HDAC9: variants seen among roughly 807,000 people sequenced by gnomAD.
The protein encoded by HDAC9 is histone deacetylase 9, also known as MEF-2 interacting transcription repressor (MITR) protein.
Under a neutral mutation model 139.4 loss-of-function variants are expected in HDAC9, and 41 were observed. The observed-to-expected ratio is 0.29, with a 90% CI of 0.23 to 0.38. The LOEUF (loss-of-function observed/expected upper bound fraction) is 0.38, where lower values mean the gene tolerates loss of function less well. Ranked by LOEUF, HDAC9 falls within the 10% of genes least tolerant of loss-of-function variation. HDAC9 has a pLI of 1.00. For synonymous variants in HDAC9, 517 were observed against 476.2 expected, an observed-to-expected ratio of 1.09 and a Z score of -1.12; for missense variants, 1,147 against 1,297.0, an observed-to-expected ratio of 0.88 and a Z score of 1.78.
intron 1 of HDAC9, among the ~76,000 whole-genome samples, chr7:18,135,938 A>G (rs1584255410): frequency 1.7e-5 from 2 of 118,176 alleles, no homozygotes; most frequent in East Asian, 2.3e-4. Flanking sequence ...AAGTGTTCCT[A>G]TTTCTCCACA....
chr7:18,716,211 A>T (rs554612409), intron 12 of HDAC9, among the ~76,000 whole-genome samples: 4 of 152,318 alleles, frequency 2.6e-5, no homozygotes, highest in Non-Finnish European at 2.9e-5. Flanking sequence ...AGGGATGCTA[A>T]TCTAGGCCAT....
chr7:18,565,849 T>TG (rs962393275), intron 2 of HDAC9, among the ~76,000 whole-genome samples: 70 of 125,010 alleles, frequency 5.6e-4, no homozygotes, highest in Middle Eastern at 7.6e-3. Flanking sequence ...ATGTGGATAA[T>TG]TTTTTTTTTT....
At chr7:18,321,287 A>G (rs532787211) in intron 1 of HDAC9, among the ~76,000 whole-genome samples, 134 of 152,250 alleles carry the variant, frequency 8.8e-4, no homozygotes, top group African/African-American at 3.1e-3. Flanking sequence ...CAGAACCTTC[A>G]TACTCTTTCC....
intron 12 of HDAC9, among the ~76,000 whole-genome samples, chr7:18,718,008 T>C (rs1190972292): frequency 1.3e-5 from 2 of 152,210 alleles, no homozygotes; most frequent in Admixed American, 6.5e-5. Context: ...CTCATTTCTA[T>C]GTACAATTCA....
At chr7:18,595,737 G>C (rs1562506542) in intron 6 of HDAC9, among the ~76,000 whole-genome samples, 4 of 151,992 alleles carry the variant, frequency 2.6e-5, no homozygotes, top group Middle Eastern at 3.2e-3. Flanking sequence ...ATTGAAAACT[G>C]ACTGCAGAAC....
At position 18,535,722 on chromosome 7, in the gene HDAC9, C is replaced by CA. The variant is rs72123660; in HGVS notation, c.22+39427dup. On this transcript the variant is annotated intron_variant, in intron 2 of 25. Transcript: ENST00000686413. ...GGGGATAGCCCATAAAGGCATTAAG[C>CA]AAAAAAAAAAAAAAAAAAAAAAAAA... Among the ~76,000 whole-genome samples, 67 of 49,248 alleles carry CA rather than the reference C, an allele frequency of 1.4e-3. 2 individuals carry two copies. The highest frequency in any genetic ancestry group is 4.4e-3 in the African/African-American group (54 of 12,380). The allele number at this position is 49,248 out of a possible 152,430, so 32.3% of individuals were successfully genotyped here. A position where few individuals can be genotyped will look rare whatever the true frequency, so the allele number is the denominator to read the frequency against.
At chr7:18,097,466 T>C (rs1316759846) in intron 1 of HDAC9, among the ~76,000 whole-genome samples, 1 of 14,096 alleles carries the variant, frequency 7.1e-5, no homozygotes, top group African/African-American at 8.9e-5. Context: ...CACTTTTACC[T>C]TTTTTTTTTT....
chr7:18,668,109 A>T, intron 12 of HDAC9: 1 of 918,872 alleles, frequency 1.1e-6, no homozygotes, highest in Non-Finnish European at 1.3e-6. Context: ...TGACATTTAA[A>T]AATATTTCTT....
chr7:18,392,354 GTCTATA>G (rs1251784408), intron 1 of HDAC9, among the ~76,000 whole-genome samples: 5 of 111,426 alleles, frequency 4.5e-5, no homozygotes, highest in Non-Finnish European at 9.7e-5. Context: ...CACACACACT[GTCTATA>G]TCTAATCTCT....
At chr7:18,940,589 G>A (rs1177846212) in intron 23 of HDAC9, among the ~76,000 whole-genome samples, 1 of 152,142 alleles carries the variant, frequency 6.6e-6, no homozygotes, top group African/African-American at 2.4e-5. Context: ...TCATTAAGTT[G>A]CTTGGAAAGG....
intron 2 of HDAC9, among the ~76,000 whole-genome samples, chr7:18,214,768 A>T (rs1792180671): frequency 6.6e-6 from 1 of 152,162 alleles, no homozygotes; most frequent in African/African-American, 2.4e-5. Context: ...TAGTGAATGC[A>T]GCAGGGCATA....
chr7:18,841,066 G>C (rs1018444892), intron 21 of HDAC9, among the ~76,000 whole-genome samples: 3 of 152,014 alleles, frequency 2.0e-5, no homozygotes, highest in Admixed American at 6.6e-5. Context: ...AACTATAGTA[G>C]ATAATTTGGG....
chr7:18,830,002 A>G lies in HDAC9; in HGVS notation c.2466+454A>G, dbSNP rs17140088. On this transcript the variant is annotated intron_variant, in intron 19 of 25. Coordinates refer to ENST00000686413, the MANE Select transcript of HDAC9 (RefSeq NM_178425.4). ...TAAAACAAGTCGGCATGTCACTCTT[A>G]CTGAAAAGATCTCCAATCTCAGATG... Among the ~76,000 whole-genome samples the G allele has an allele frequency of 1.6e-4, 24 of 152,306 alleles. No homozygotes were observed. The East Asian group carries it at 4.4e-3, about 28-fold the overall frequency.
At chr7:18,629,295 G>A in intron 6 of HDAC9, 55 bp from the exon 7 acceptor site, 1 of 1,446,708 alleles carries the variant, frequency 6.9e-7, no homozygotes, top group South Asian at 1.4e-5. Flanking sequence ...ATGAGCAATT[G>A]GCTCTCTATT....
chr7:18,708,523 G>A (rs1332013649), intron 12 of HDAC9, among the ~76,000 whole-genome samples: 4 of 152,186 alleles, frequency 2.6e-5, no homozygotes, highest in African/African-American at 4.8e-5. Context: ...AGGCCCTGTG[G>A]AAACATGATT....
chr7:18,755,248 A>C lies in HDAC9; in HGVS notation c.2043+6110A>C, dbSNP rs182736827. The stretch of plus-strand genomic sequence containing the variant: ...GTGGACCCAGGCAGATAAATATACC[A>C]AAACTAATTGTACACCTTATAGTCA... On this transcript the variant is annotated intron_variant, in intron 14 of 25. Transcript: ENST00000686413. Among the ~76,000 whole-genome samples, 354 of 152,276 alleles carry C rather than the reference A, an allele frequency of 2.3e-3. 1 individual carries two copies. The South Asian group carries it at 0.024, about 10-fold the overall frequency.
rs1320567180 is a variant in HDAC9, at chr7:18,775,247, G to T, written c.2214+8092G>T. The stretch of plus-strand genomic sequence containing the variant: ...AATGATGAAAAACTTTTGAAATATT[G>T]CAGGAATTACCAAAATGTGACACAG... On this transcript the variant is annotated intron_variant, in intron 16 of 25. Transcript: ENST00000686413. Among the ~76,000 whole-genome samples, 6 of 152,028 alleles carry T rather than the reference G, an allele frequency of 3.9e-5. No individual in the cohort carries two copies. The East Asian group carries it at 1.2e-3, about 29-fold the overall frequency.
At chr7:18,576,765 A>G (rs1826091636) in intron 2 of HDAC9, among the ~76,000 whole-genome samples, 1 of 151,336 alleles carries the variant, frequency 6.6e-6, no homozygotes, top group Non-Finnish European at 1.5e-5. Context: ...CTGCAATGAT[A>G]AAAAAAAATA....
chr7:18,690,969 CA>C lies in HDAC9; in HGVS notation c.1731+24501del, dbSNP rs574664962. On this transcript the variant is annotated intron_variant, in intron 12 of 25. Coordinates refer to ENST00000686413, the MANE Select transcript of HDAC9 (RefSeq NM_178425.4). ...TTCCACTAAGGGATTGTAGGGAAAA[CA>C]AAAAAAACTAATATTATCAGATGTC... 8.5e-4 allele frequency among the ~76,000 whole-genome samples: 129 copies of C among 151,294 alleles called. 1 individual carries two copies. The highest frequency in any genetic ancestry group is 3.0e-3 in the African/African-American group (122 of 41,354).
Sources: allele counts gnomAD v4.1 joint callset (sites outside exome capture counted in the v4.1 genomes callset), GRCh38; gene constraint gnomAD v4.1.1; transcripts MANE v1.5; gene names NCBI Gene and HGNC (gene_info 2026-07-23, HGNC 2026-07-21).